Variants in ANKIB1 observed in about 807,000 individuals in gnomAD.
The protein encoded by ANKIB1 is ankyrin repeat and IBR domain containing 1, also known as ankyrin repeat and IBR domain-containing protein 1.
A neutral mutation model predicts 122.1 loss-of-function variants in ANKIB1; 43 were observed. The observed-to-expected ratio is 0.35, with a 90% confidence interval of 0.28 to 0.45. ANKIB1 has a LOEUF of 0.45. Among genes scored for constraint, ANKIB1 ranks in the 20% least tolerant of loss-of-function variants. The pLI is 1.00. For missense variants in ANKIB1, 992 were observed against 1,329.5 expected (o/e 0.75, Z 3.95); for synonymous variants, 390 against 442.0 (o/e 0.88, Z 1.48).
rs960345244 is a variant in ANKIB1 at position 92,261,217 on chromosome 7, C to T, written c.-91+14698C>T. ...ACAAAAAATTAGCCAGGCGTGGTAG[C>T]GGGCGCCTGTAGTCCCAGCTACTCG... is the stretch of plus-strand genomic sequence containing the variant. On this transcript the variant is annotated intron_variant, in intron 1 of 19. Transcript: ENST00000265742. 4.0e-5 allele frequency among the ~76,000 whole-genome samples: 6 copies of T among 151,474 alleles called. No homozygotes were observed. The South Asian group carries it at 6.3e-4, about 16-fold the overall frequency.
chr7:92,382,512 A>T (rs1399277465), intron 11 of ANKIB1, among the ~76,000 whole-genome samples: 1 of 152,230 alleles, frequency 6.6e-6, no homozygotes, highest in Non-Finnish European at 1.5e-5. Context: ...CAGCTAATGT[A>T]AAAGAACAGA....
chr7:92,398,540 G>A lies in ANKIB1; in HGVS notation c.2861G>A (p.Ser954Asn). 1.9e-6 allele frequency: 3 copies of A among 1,613,962 alleles called. No homozygotes were observed. Among genetic ancestry groups the A allele is most frequent in the Non-Finnish European group, 2.5e-6 (3 of 1,179,872 alleles). The change falls in exon 20 of 20, where the codon AGT becomes AAT. Residue 954 changes from serine to asparagine, a missense_variant. Ser to Asn is a conservative substitution (Grantham distance 46, BLOSUM62 1). Coordinates refer to ENST00000265742, the MANE Select transcript of ANKIB1 (RefSeq NM_019004.2). ...EARSDFCPSS[S>N]DPDSAGQDPN... is the part of the protein sequence containing the mutation. ...AGAAGTGATTTCTGTCCCTCATCTA[G>A]TGATCCTGACTCAGCTGGCCAGGAC...
chr7:92,272,279 C>T (rs928268429), intron 1 of ANKIB1, among the ~76,000 whole-genome samples: 5 of 151,676 alleles, frequency 3.3e-5, no homozygotes, highest in Admixed American at 6.6e-5. Context: ...AGAGAAGATC[C>T]GAAAATTCCA....
At chr7:92,392,513 T>C (rs1033980851) in intron 17 of ANKIB1, among the ~76,000 whole-genome samples, 3 of 152,134 alleles carry the variant, frequency 2.0e-5, no homozygotes, top group African/African-American at 7.2e-5. Flanking sequence ...TTTTAATTAC[T>C]GAATAGTCAG....
At chr7:92,362,625 G>A (rs1803978072) in intron 10 of ANKIB1, among the ~76,000 whole-genome samples, 1 of 152,178 alleles carries the variant, frequency 6.6e-6, no homozygotes, top group African/African-American at 2.4e-5. Flanking sequence ...GATCTGTAAT[G>A]AGAGTGAGCT....
chr7:92,259,112 C>G (rs556086513), intron 1 of ANKIB1, among the ~76,000 whole-genome samples: 2 of 152,224 alleles, frequency 1.3e-5, no homozygotes, highest in African/African-American at 4.8e-5. Flanking sequence ...TGCCACCACA[C>G]CTGGCTAATT....
At chr7:92,267,390 A>C (rs1204082201) in intron 1 of ANKIB1, among the ~76,000 whole-genome samples, 2 of 152,172 alleles carry the variant, frequency 1.3e-5, no homozygotes, top group African/African-American at 4.8e-5. Context: ...TCCAGTAAAA[A>C]TTATGTCTCC....
chr7:92,327,168 A>G (rs2131957300), intron 4 of ANKIB1, among the ~76,000 whole-genome samples: 1 of 152,348 alleles, frequency 6.6e-6, no homozygotes, highest in South Asian at 2.1e-4. Context: ...TAAAACTGTA[A>G]GATAAGATGG....
At chr7:92,327,439 C>T (rs2131957538) in intron 4 of ANKIB1, among the ~76,000 whole-genome samples, 1 of 152,280 alleles carries the variant, frequency 6.6e-6, no homozygotes, top group East Asian at 1.9e-4. Context: ...ATACTCAAGT[C>T]CCTTATGTAA....
At chr7:92,365,971 A>G (rs1196265625) in intron 10 of ANKIB1, among the ~76,000 whole-genome samples, 1 of 150,510 alleles carries the variant, frequency 6.6e-6, no homozygotes, top group Non-Finnish European at 1.5e-5. Context: ...AATTTTTTGT[A>G]TTTTTAGTAG....
rs1804951862 is a variant in ANKIB1 at position 92,398,620 on chromosome 7, A to C, written c.2941A>C (p.Asn981His). The C allele has an allele frequency of 6.2e-7, 1 of 1,613,856 alleles. No individual in the cohort carries two copies. The highest frequency in any genetic ancestry group is 1.3e-5 in the African/African-American group (1 of 74,916). The change falls in exon 20 of 20, where the codon AAC becomes CAC. Residue 981 changes from asparagine to histidine, a missense_variant. Coordinates refer to ENST00000265742, the MANE Select transcript of ANKIB1 (RefSeq NM_019004.2). ...CATCATGGCTTGGTTTCATGACATG[A>C]ACCCTCAGAGTATTGCCCTGATTCC... ...GNIMAWFHDM[N>H]PQSIALIPPA...
At chr7:92,315,606 A>C (rs1189142477) in intron 3 of ANKIB1, among the ~76,000 whole-genome samples, 2 of 152,192 alleles carry the variant, frequency 1.3e-5, no homozygotes, top group Non-Finnish European at 2.9e-5. Flanking sequence ...AAGATGATAC[A>C]ATGTCAAAGA....
intron 5 of ANKIB1, among the ~76,000 whole-genome samples, chr7:92,342,730 A>G (rs1364674092): frequency 6.6e-6 from 1 of 152,202 alleles, no homozygotes; most frequent in Non-Finnish European, 1.5e-5. Flanking sequence ...GTGAATTCCA[A>G]GAGTGATTTG....
rs1012427404 is a variant in ANKIB1, at chr7:92,246,208, C to T, written c.-402C>T. 10 of 371,826 alleles carry T rather than the reference C, an allele frequency of 2.7e-5. No individual in the cohort carries two copies. The highest frequency in any genetic ancestry group is 5.1e-5 in the Non-Finnish European group (10 of 196,304). The allele number at this position is 371,826 out of a possible 1,614,324, so 23.0% of individuals were successfully genotyped here. ...AGGCGGAGGCAAGAGCCACCGCCCC[C>T]TCTTCCCCTCCCCCGAGTGAGGCGG... On this transcript the variant is annotated 5_prime_UTR_variant, in exon 1 of 20. Coordinates refer to ENST00000265742, the MANE Select transcript of ANKIB1 (RefSeq NM_019004.2).
In ANKIB1 at chr7:92,399,829, C is replaced by T. The variant is rs1343116156; in HGVS notation, c.*880C>T. On this transcript the variant is annotated 3_prime_UTR_variant, in exon 20 of 20. Coordinates refer to ENST00000265742, the MANE Select transcript of ANKIB1 (RefSeq NM_019004.2). ...AACAGCGGTGCTGTATTTTAAGAGA[C>T]ACTTTATTGGAAGTGCAATCATAGT... The T allele has an allele frequency of 6.6e-6, 1 of 152,118 alleles. No homozygotes were observed. Among genetic ancestry groups the T allele is most frequent in the African/African-American group, 2.4e-5 (1 of 41,418 alleles). 9.4% of individuals were successfully genotyped at this position (152,118 alleles called of 1,614,324 possible).
rs549729670 is a variant in ANKIB1 at position 92,382,206 on chromosome 7, G to T, written c.1618-4303G>T. ...AGAGCTAACTATCCTAAATATATAT[G>T]CACCCAATACAGGAGCACCCAGATT... is the stretch of plus-strand genomic sequence containing the variant. On this transcript the variant is annotated intron_variant, in intron 11 of 19. Coordinates refer to ENST00000265742, the MANE Select transcript of ANKIB1 (RefSeq NM_019004.2). 8.5e-5 allele frequency among the ~76,000 whole-genome samples: 13 copies of T among 152,240 alleles called. No individual in the cohort carries two copies. The South Asian group carries it at 2.3e-3, about 27-fold the overall frequency.
intron 10 of ANKIB1, among the ~76,000 whole-genome samples, chr7:92,369,781 G>A (rs1804191403): frequency 6.6e-6 from 1 of 152,150 alleles, no homozygotes; most frequent in African/African-American, 2.4e-5. Context: ...GGCCTTCTCA[G>A]TGCACTTAGA....
intron 2 of ANKIB1, among the ~76,000 whole-genome samples, chr7:92,300,107 C>T (rs937442292): frequency 1.3e-5 from 2 of 152,140 alleles, no homozygotes; most frequent in African/African-American, 4.8e-5. Flanking sequence ...CCACACCTGG[C>T]CAGTAATTTT....
intron 1 of ANKIB1, among the ~76,000 whole-genome samples, chr7:92,273,834 A>T (rs546548276): frequency 5.9e-4 from 90 of 151,524 alleles, no homozygotes; most frequent in African/African-American, 2.2e-3. Flanking sequence ...GTGCAGTGAC[A>T]TGATCAAAAC....
Sources: allele counts gnomAD v4.1 joint callset (sites outside exome capture counted in the v4.1 genomes callset), GRCh38; gene constraint gnomAD v4.1.1; transcripts MANE v1.5; gene names NCBI Gene and HGNC (gene_info 2026-07-23, HGNC 2026-07-21).